The following SND1 variants were observed in gnomAD, a reference collection of about 807,000 sequenced individuals.
The protein encoded by SND1 is staphylococcal nuclease and tudor domain containing 1.
Under a neutral mutation model 121.7 loss-of-function variants are expected in SND1, and 38 were observed. That is an observed-to-expected ratio of 0.31 (90% CI 0.24 to 0.41). The LOEUF (loss-of-function observed/expected upper bound fraction) is 0.41, where lower values mean the gene tolerates loss of function less well. Among genes scored for constraint, SND1 ranks in the 10% least tolerant of loss-of-function variants. The probability of loss-of-function intolerance (pLI) is 1.00; values close to 1 mark genes in which losing one functional copy is unlikely to be tolerated. For synonymous variants in SND1, 401 were observed against 447.4 expected (o/e 0.90, Z 1.31); for missense variants, 868 against 1,184.6 (o/e 0.73, Z 3.92).
chr7:127,985,554 G>C (rs370683823), intron 15 of SND1, among the ~76,000 whole-genome samples: 1 of 152,184 alleles, frequency 6.6e-6, no homozygotes, highest in African/African-American at 2.4e-5. Flanking sequence ...CACTGTGCCC[G>C]GCCATGTACT....
chr7:127,654,660 G>T (rs1201114777), intron 1 of SND1, among the ~76,000 whole-genome samples: 3 of 152,206 alleles, frequency 2.0e-5, no homozygotes, highest in Non-Finnish European at 2.9e-5. Context: ...TAGGAGTATG[G>T]TGTGGAAGAT....
rs1265576200 is a variant in SND1 at position 127,696,414 on chromosome 7, T to C, written c.349+1466T>C. On this transcript the variant is annotated intron_variant, in intron 3 of 23. Transcript: ENST00000354725. Reference sequence around the variant, plus strand: ...CTCTTTTCAAAAAGGGAAATAAGTTTGCTTTTTACCCGTAATTCTTATAAT... The same window carrying C: ...CTCTTTTCAAAAAGGGAAATAAGTTCGCTTTTTACCCGTAATTCTTATAAT... 2.0e-5 allele frequency among the ~76,000 whole-genome samples: 3 copies of C among 152,242 alleles called. No individual in the cohort carries two copies. In the East Asian group the frequency reaches 5.8e-4, roughly 29 times the overall value.
chr7:128,023,638 A>G (rs57866092), intron 16 of SND1, among the ~76,000 whole-genome samples: 1 of 152,272 alleles, frequency 6.6e-6, no homozygotes, highest in African/African-American at 2.4e-5. Flanking sequence ...TTTCACAGTG[A>G]TCGGGCTTAT....
At chr7:128,042,005 A>G (rs900393096) in intron 16 of SND1, among the ~76,000 whole-genome samples, 1 of 152,014 alleles carries the variant, frequency 6.6e-6, no homozygotes, top group African/African-American at 2.4e-5. Context: ...TTGTGCAGCT[A>G]CCAGCTGGGG....
chr7:128,003,477 T>C (rs1229368765), intron 16 of SND1, among the ~76,000 whole-genome samples: 4 of 152,194 alleles, frequency 2.6e-5, no homozygotes, highest in African/African-American at 9.7e-5. Flanking sequence ...GGATTTGGCA[T>C]TGGGTGTACA....
intron 16 of SND1, among the ~76,000 whole-genome samples, chr7:128,058,057 A>G (rs2117030324): frequency 6.6e-6 from 1 of 152,346 alleles, no homozygotes; most frequent in African/African-American, 2.4e-5. Context: ...CACAACCTCT[A>G]GTTCACCACA....
intron 15 of SND1, among the ~76,000 whole-genome samples, chr7:127,951,760 C>G (rs765584548): frequency 6.6e-6 from 1 of 151,938 alleles, no homozygotes; most frequent in Non-Finnish European, 1.5e-5. Flanking sequence ...GGTCCCTGAC[C>G]CTCTTTTATT....
intron 13 of SND1, among the ~76,000 whole-genome samples, chr7:127,892,057 G>A (rs566608533): frequency 2.6e-5 from 4 of 152,144 alleles, no homozygotes; most frequent in South Asian, 4.2e-4. Flanking sequence ...TGGTGATATC[G>A]GCAGTGGTGC....
chr7:128,007,691 A>G (rs1478821726), intron 16 of SND1, among the ~76,000 whole-genome samples: 1 of 152,250 alleles, frequency 6.6e-6, no homozygotes, highest in Non-Finnish European at 1.5e-5. Context: ...ACAAACTAAA[A>G]TAGAGCTTTT....
At chr7:127,998,154 G>T in intron 16 of SND1, 1 of 355,582 alleles carries the variant, frequency 2.8e-6, no homozygotes, top group East Asian at 6.9e-5. Context: ...TAATTCTAGA[G>T]AATGGGAAGA....
intron 16 of SND1, among the ~76,000 whole-genome samples, chr7:128,004,038 CTTT>C (rs34590935): frequency 2.2e-4 from 29 of 131,026 alleles, no homozygotes; most frequent in Non-Finnish European, 3.0e-4. Flanking sequence ...AACTTACTTT[CTTT>C]TTTTTTTTTT....
chr7:127,741,437 G>C (rs1439631050), intron 10 of SND1, among the ~76,000 whole-genome samples: 4 of 150,944 alleles, frequency 2.6e-5, no homozygotes, highest in African/African-American at 9.7e-5. Context: ...TCGCCTGGGG[G>C]AACTTGAGAA....
intron 15 of SND1, among the ~76,000 whole-genome samples, chr7:127,989,335 G>T (rs1171934648): frequency 2.0e-5 from 3 of 152,320 alleles, no homozygotes; most frequent in Non-Finnish European, 4.4e-5. Context: ...ATTTGATGTG[G>T]TGTATTCCAT....
At chr7:128,070,629 C>T (rs1248676104) in intron 16 of SND1, among the ~76,000 whole-genome samples, 1 of 152,192 alleles carries the variant, frequency 6.6e-6, no homozygotes. Context: ...CTTGCAGTAG[C>T]CAGTTGGACA....
intron 1 of SND1, among the ~76,000 whole-genome samples, chr7:127,675,613 A>C (rs991526932): frequency 1.3e-5 from 2 of 152,154 alleles, no homozygotes; most frequent in Non-Finnish European, 2.9e-5. Flanking sequence ...CACTGCAGTA[A>C]CTTTCCCTTA....
At chr7:128,005,676 A>G (rs140712264) in intron 16 of SND1, among the ~76,000 whole-genome samples, 18 of 152,332 alleles carry the variant, frequency 1.2e-4, no homozygotes, top group Non-Finnish European at 2.1e-4. Flanking sequence ...TTTGATAGGA[A>G]TGAGAGAACC....
rs1043994951 is a variant in SND1 at position 127,695,554 on chromosome 7, A to G, written c.349+606A>G. Among the ~76,000 whole-genome samples the G allele has an allele frequency of 7.2e-5, 11 of 152,296 alleles. 1 individual carries two copies. Among genetic ancestry groups the G allele is most frequent in the African/African-American group, 2.6e-4 (11 of 41,556 alleles). On this transcript the variant is annotated intron_variant, in intron 3 of 23. Coordinates refer to ENST00000354725, the MANE Select transcript of SND1 (RefSeq NM_014390.4). Reference sequence around the variant, plus strand: ...AGAGTTGAAAGAGATAGTATAGGCCAGGCACCGTGGCTCACACCTGTAATC... The same window carrying G: ...AGAGTTGAAAGAGATAGTATAGGCCGGGCACCGTGGCTCACACCTGTAATC...
chr7:127,802,719 T>G (rs1798157699), intron 10 of SND1, among the ~76,000 whole-genome samples: 1 of 152,150 alleles, frequency 6.6e-6, no homozygotes, highest in Non-Finnish European at 1.5e-5. Flanking sequence ...ATTCAACATC[T>G]CCACTCAGGT....
intron 10 of SND1, among the ~76,000 whole-genome samples, chr7:127,739,842 G>A (rs1796845283): frequency 6.6e-6 from 1 of 152,184 alleles, no homozygotes; most frequent in Non-Finnish European, 1.5e-5. Flanking sequence ...CCTCTGTCTG[G>A]ACAAGGAATC....
Sources: allele counts gnomAD v4.1 joint callset (sites outside exome capture counted in the v4.1 genomes callset), GRCh38; gene constraint gnomAD v4.1.1; transcripts MANE v1.5; gene names NCBI Gene and HGNC (gene_info 2026-07-23, HGNC 2026-07-21).